SLIT1: variants seen among roughly 807,000 people sequenced by gnomAD.
SLIT1 encodes slit guidance ligand 1, also known as slit homolog 1 protein.
In SLIT1, 66 loss-of-function variants were observed where a neutral mutation model predicts 186.1. The ratio of observed to expected loss-of-function variants is 0.35; its 90% confidence interval spans 0.29 to 0.44. The LOEUF is 0.44. SLIT1 is among the 20% of genes least tolerant of loss of function. The pLI, the probability that SLIT1 is intolerant of heterozygous loss-of-function variation, is 1.00. For missense variants in SLIT1, 1,638 were observed against 2,037.4 expected, an observed-to-expected ratio of 0.80 and a Z score of 3.77; for synonymous variants, 761 against 833.8, an observed-to-expected ratio of 0.91 and a Z score of 1.50.
chr10:97,040,095 G>T lies in SLIT1; in HGVS notation c.2190C>A (p.Pro730=). 1 of 1,589,500 alleles carries T rather than the reference G, an allele frequency of 6.3e-7. No individual in the cohort carries two copies. Among genetic ancestry groups the T allele is most frequent in the Non-Finnish European group, 8.6e-7 (1 of 1,168,460 alleles). The change falls in exon 21 of 37, where the codon CCC becomes CCA. Residue 730 remains proline, a synonymous_variant. Coordinates refer to ENST00000266058, the MANE Select transcript of SLIT1 (RefSeq NM_003061.3). ...EEGQEEGGCL[P]RPQCPQECAC... ...CGCACTCCTGTGGGCACTGTGGGCGGGGCAGGCAGCCCCCCTCCTCCTGGC... is the reference window on the plus strand; with the variant it reads ...CGCACTCCTGTGGGCACTGTGGGCGTGGCAGGCAGCCCCCCTCCTCCTGGC...
chr10:97,049,160 C>A (rs1184242669), intron 13 of SLIT1, 42 bp from the exon 14 acceptor site: 1 of 1,589,922 alleles, frequency 6.3e-7, no homozygotes, highest in Admixed American at 1.7e-5. Flanking sequence ...ACAAGGGCTG[C>A]AAACCCGCGC....
Position 97,086,694 on chromosome 10 carries a change from A to G in SLIT1, c.414-20608T>C, listed in dbSNP as rs576082225. 3.3e-5 allele frequency among the ~76,000 whole-genome samples: 5 copies of G among 152,328 alleles called. No homozygotes were observed. In the East Asian group the frequency reaches 7.7e-4, roughly 23 times the overall value. ...TGATTCTAACTGTATGACATTCTGG[A>G]AAAAGGCAAAATTATGGAGAGAGTA... is the stretch of plus-strand genomic sequence containing the variant. On this transcript the variant is annotated intron_variant, in intron 4 of 36. Transcript: ENST00000266058.
chr10:97,078,244 T>C (rs767351205), intron 4 of SLIT1, among the ~76,000 whole-genome samples: 2 of 152,112 alleles, frequency 1.3e-5, no homozygotes, highest in African/African-American at 2.4e-5. Context: ...CTGCCCTTAT[T>C]CATCCCACCC....
chr10:97,039,522 A>C (rs1195751354), intron 21 of SLIT1, among the ~76,000 whole-genome samples: 1 of 152,216 alleles, frequency 6.6e-6, no homozygotes, highest in East Asian at 1.9e-4. Flanking sequence ...TGGCGATTTC[A>C]GTGAGGGGGT....
chr10:97,143,862 G>C (rs1849790343), intron 4 of SLIT1, among the ~76,000 whole-genome samples: 1 of 152,180 alleles, frequency 6.6e-6, no homozygotes, highest in Non-Finnish European at 1.5e-5. Context: ...TATGTTCTAG[G>C]AAGGACTTTT....
rs891959586 is a variant in SLIT1, at chr10:97,004,429, G to T, written c.3711-207C>A. ...GGGGAAGGCTGAGAGGTTTGAGGCA[G>T]GGGTCTCAAACTTACAAGTCTCCCC... On this transcript the variant is annotated intron_variant, in intron 33 of 36. Transcript: ENST00000266058. The surrounding 1 kb of genome is among the most constrained non-coding windows in gnomAD (Gnocchi z 5.1). Among the ~76,000 whole-genome samples the T allele has an allele frequency of 6.6e-6, 1 of 152,186 alleles. No individual in the cohort carries two copies. Among genetic ancestry groups the T allele is most frequent in the Non-Finnish European group, 1.5e-5 (1 of 68,030 alleles).
intron 4 of SLIT1, among the ~76,000 whole-genome samples, chr10:97,100,117 T>C (rs1589393083): frequency 6.6e-6 from 1 of 152,292 alleles, no homozygotes; most frequent in Admixed American, 6.5e-5. Flanking sequence ...TGTTCTAGTG[T>C]TGGAGACCCT....
intron 21 of SLIT1, among the ~76,000 whole-genome samples, chr10:97,038,383 C>T (rs1258850470): frequency 6.6e-6 from 1 of 152,194 alleles, no homozygotes; most frequent in African/African-American, 2.4e-5. Context: ...TGCCCGGGCT[C>T]CTGCTGCAGC....
At chr10:97,129,821 C>T (rs556596758) in intron 4 of SLIT1, among the ~76,000 whole-genome samples, 14 of 152,260 alleles carry the variant, frequency 9.2e-5, no homozygotes, top group African/African-American at 3.4e-4. Context: ...GCCCTGTTCC[C>T]CCAACCCCAC....
At chr10:97,179,421 C>T (rs1335207988) in intron 1 of SLIT1, among the ~76,000 whole-genome samples, 2 of 151,990 alleles carry the variant, frequency 1.3e-5, no homozygotes, top group Non-Finnish European at 2.9e-5. Flanking sequence ...AGTGAGATCC[C>T]GTCTCAAAAA....
intron 26 of SLIT1, among the ~76,000 whole-genome samples, chr10:97,019,908 G>A (rs1244668383): frequency 1.3e-5 from 2 of 152,096 alleles, no homozygotes; most frequent in African/African-American, 2.4e-5. Flanking sequence ...TTTCAGCAAC[G>A]ACTAGCACAC....
chr10:97,127,203 G>A (rs1003570501), intron 4 of SLIT1, among the ~76,000 whole-genome samples: 1 of 151,900 alleles, frequency 6.6e-6, no homozygotes, highest in Non-Finnish European at 1.5e-5. Context: ...GGAGAATGGC[G>A]TGAACCTGGG....
At chr10:97,169,060 CCCT>C (rs1436357339) in intron 1 of SLIT1, among the ~76,000 whole-genome samples, 1 of 152,014 alleles carries the variant, frequency 6.6e-6, no homozygotes, top group Non-Finnish European at 1.5e-5. Context: ...TTAGTCCCAC[CCCT>C]CCTCCTCACT....
intron 4 of SLIT1, among the ~76,000 whole-genome samples, chr10:97,096,866 T>C (rs2134667248): frequency 6.6e-6 from 1 of 152,334 alleles, no homozygotes; most frequent in Non-Finnish European, 1.5e-5. Flanking sequence ...CCCATTTAGT[T>C]TTGTATTTAA....
At chr10:97,058,560 C>A (rs1352314642) in intron 11 of SLIT1, among the ~76,000 whole-genome samples, 1 of 152,208 alleles carries the variant, frequency 6.6e-6, no homozygotes, top group Non-Finnish European at 1.5e-5. Flanking sequence ...CACTGCACAA[C>A]TTCAGGGGTG....
chr10:97,140,447 C>T (rs546448608), intron 4 of SLIT1, among the ~76,000 whole-genome samples: 1 of 152,214 alleles, frequency 6.6e-6, no homozygotes, highest in Non-Finnish European at 1.5e-5. Flanking sequence ...TAAAACAAAC[C>T]CGCCAAAGGG....
In SLIT1 at chr10:97,031,829, G is replaced by T. The variant is rs549043969; in HGVS notation, c.2439-152C>A. 83 of 617,164 alleles carry T rather than the reference G, an allele frequency of 1.3e-4. 4 individuals are homozygous for T. In the South Asian group the frequency reaches 1.5e-3, roughly 11 times the overall value. The allele number at this position is 617,164 out of a possible 1,614,324, so 38.2% of individuals were successfully genotyped here. On this transcript the variant is annotated intron_variant, in intron 23 of 36. Coordinates refer to ENST00000266058, the MANE Select transcript of SLIT1 (RefSeq NM_003061.3). ...AGCAGCCGGCAAGTGCATGGGCTGG[G>T]CTGCGCCCTAAGAAGCTGGTGGTCT...
chr10:97,099,794 C>T (rs933391569), intron 4 of SLIT1, among the ~76,000 whole-genome samples: 19 of 152,230 alleles, frequency 1.2e-4, no homozygotes, highest in Admixed American at 1.2e-3. Context: ...GGGCAGTGCC[C>T]CCGCAGTGTC....
chr10:97,064,975 C>T (rs1275143191), intron 5 of SLIT1, 99 bp from the exon 6 acceptor site: 10 of 826,614 alleles, frequency 1.2e-5, no homozygotes, highest in Non-Finnish European at 1.7e-5. Flanking sequence ...AAAAGAGGTG[C>T]ACCCCTAGCC....
Sources: allele counts gnomAD v4.1 joint callset (sites outside exome capture counted in the v4.1 genomes callset), GRCh38; gene constraint gnomAD v4.1.1; non-coding constraint Gnocchi (gnomAD v3.1); transcripts MANE v1.5; gene names NCBI Gene and HGNC (gene_info 2026-07-23, HGNC 2026-07-21).